Variants in GLIS3 observed in about 807,000 individuals in gnomAD.
GLIS3 encodes zinc finger protein GLIS3.
In GLIS3, 53 loss-of-function variants were observed where a neutral mutation model predicts 78.6. The observed-to-expected ratio is 0.67, with a 90% CI of 0.54 to 0.85. The LOEUF (loss-of-function observed/expected upper bound fraction) is 0.85. Ranked by LOEUF, GLIS3 falls within the 40% of genes least tolerant of loss-of-function variation. The pLI is 0.00. For missense variants in GLIS3, 1,703 were observed against 1,231.1 expected, an observed-to-expected ratio of 1.38 and a Z score of -5.74; for synonymous variants, 684 against 509.9, an observed-to-expected ratio of 1.34 and a Z score of -4.60.
intron 1 of GLIS3, among the ~76,000 whole-genome samples, chr9:4,294,470 T>C (rs1301768526): frequency 5.3e-5 from 8 of 151,980 alleles, no homozygotes. Flanking sequence ...GATCACACCA[T>C]TGCTTTCCAG....
At chr9:4,184,838 T>C (rs1280734888) in intron 2 of GLIS3, among the ~76,000 whole-genome samples, 1 of 152,144 alleles carries the variant, frequency 6.6e-6, no homozygotes, top group Non-Finnish European at 1.5e-5. Flanking sequence ...GTTGTGCATC[T>C]GTCAACATTA....
intron 2 of GLIS3, among the ~76,000 whole-genome samples, chr9:4,272,524 T>G (rs1010765750): frequency 2.6e-5 from 4 of 152,178 alleles, no homozygotes; most frequent in Non-Finnish European, 5.9e-5. Context: ...AGCCTCTCTG[T>G]TCTCTTATTT....
the GLIS3 span, among the ~76,000 whole-genome samples, chr9:4,434,977 C>T: frequency 2.9e-4 from 44 of 152,310 alleles, no homozygotes; most frequent in East Asian, 6.4e-3. Flanking sequence ...TAAAACAAAG[C>T]TGTCAGGTAC....
rs149840771 is a variant in GLIS3, at chr9:3,898,723, C to G, written c.2096G>C (p.Arg699Pro). The G allele has an allele frequency of 3.1e-6, 5 of 1,614,030 alleles. No individual in the cohort carries two copies. Among genetic ancestry groups the G allele is most frequent in the African/African-American group, 1.3e-5 (1 of 74,914 alleles). The change falls in exon 7 of 11, where the codon CGC (arginine) becomes CCC (proline). Residue 699 changes from arginine (R) to proline (P), a missense_variant. Physicochemically the swap from Arg to Pro is moderately radical, Grantham distance 103. Coordinates refer to ENST00000381971, the MANE Select transcript of GLIS3 (RefSeq NM_001042413.2). The part of the protein sequence containing the change: ...RDAAAEGTVG[R>P]SPGPGPDLYS... ...GAGGTCAGGCCCGGGTCCAGGGGAG[C>G]GTCCCACGGTCCCTTCAGCAGCAGC... is the stretch of plus-strand genomic sequence containing the variant.
chr9:4,307,881 G>A (rs575723720), intron 4 of GLIS3, among the ~76,000 whole-genome samples: 1 of 152,254 alleles, frequency 6.6e-6, no homozygotes, highest in South Asian at 2.1e-4. Flanking sequence ...TTAGACCAAG[G>A]AAACCTGTGT....
intron 4 of GLIS3, among the ~76,000 whole-genome samples, chr9:4,088,477 A>T (rs1446591258): frequency 6.6e-6 from 1 of 152,252 alleles, no homozygotes; most frequent in Non-Finnish European, 1.5e-5. Flanking sequence ...TATTTTCCTT[A>T]TCTTAAATTG....
intron 2 of GLIS3, among the ~76,000 whole-genome samples, chr9:4,256,685 G>C (rs1175198578): frequency 1.3e-5 from 2 of 152,180 alleles, no homozygotes; most frequent in African/African-American, 2.4e-5. Flanking sequence ...CTTTATTGTA[G>C]ACAAAAGTAG....
At chr9:4,012,765 C>CTTTTTTTTTTTTTTTTTT (rs71324278) in intron 4 of GLIS3, among the ~76,000 whole-genome samples, 1 of 66,474 alleles carries the variant, frequency 1.5e-5, no homozygotes. Context: ...TTTTCTTTTT[C>CTTTTTTTTTTTTTTTTTT]TTTTTTTTTT....
At position 3,898,764 on chromosome 9, in the gene GLIS3, G is replaced by A; in HGVS notation, c.2055C>T (p.Ala685=). 6.2e-7 allele frequency: 1 copy of A among 1,614,176 alleles called. No homozygotes were observed. The highest frequency in any genetic ancestry group is 1.1e-5 in the South Asian group (1 of 91,088). ...CAGCAGCAGCATCTCTAGGGGAAGT[G>A]GCCGGCTGCAGGGACTGCACGGTGA... ...DCLTVQSLQP[A]TSPRDAAAEG... Residue 685 remains alanine (A), a synonymous_variant, in exon 7 of 11, where the codon GCC becomes GCT. Transcript: ENST00000381971.
chr9:3,917,217 T>G lies in GLIS3; in HGVS notation c.1983+15143A>C, dbSNP rs148803132. Among the ~76,000 whole-genome samples, 254 of 152,348 alleles carry G rather than the reference T, an allele frequency of 1.7e-3. 3 individuals carry two copies. The highest frequency in any genetic ancestry group is 6.1e-3 in the African/African-American group (252 of 41,592). ...TTAACCATAACAATGTAAATATCAT[T>G]GCTTTGTACCCAAGTTGCTGGTGTT... On this transcript the variant is annotated intron_variant, in intron 6 of 10. Transcript: ENST00000381971.
chr9:4,208,251 A>G (rs1158892951), intron 2 of GLIS3, among the ~76,000 whole-genome samples: 1 of 152,184 alleles, frequency 6.6e-6, no homozygotes, highest in African/African-American at 2.4e-5. Context: ...CCCCAAGTTA[A>G]ATGACAAAGG....
the GLIS3 span, among the ~76,000 whole-genome samples, chr9:4,440,761 T>C: frequency 3.3e-5 from 5 of 152,206 alleles, no homozygotes; most frequent in Admixed American, 2.6e-4. Flanking sequence ...TATGGACATT[T>C]TAACTATATT....
intron 4 of GLIS3, among the ~76,000 whole-genome samples, chr9:4,052,766 C>T (rs573780795): frequency 1.6e-4 from 25 of 152,078 alleles, no homozygotes; most frequent in Non-Finnish European, 2.6e-4. Context: ...CTATTATGAG[C>T]AGTGCTACTA....
chr9:3,958,231 A>C (rs994355460), intron 4 of GLIS3, among the ~76,000 whole-genome samples: 27 of 152,292 alleles, frequency 1.8e-4, no homozygotes, highest in Middle Eastern at 3.4e-3. Context: ...TTCCTCCCAC[A>C]TGTATAATAA....
At chr9:4,342,409 T>A (rs1817847703) in intron 2 of GLIS3, among the ~76,000 whole-genome samples, 1 of 152,182 alleles carries the variant, frequency 6.6e-6, no homozygotes, top group African/African-American at 2.4e-5. Context: ...TGATTGTAGG[T>A]GTGTGGCTTT....
At chr9:3,910,578 T>C (rs1227213974) in intron 6 of GLIS3, among the ~76,000 whole-genome samples, 1 of 152,334 alleles carries the variant, frequency 6.6e-6, no homozygotes, top group Non-Finnish European at 1.5e-5. Context: ...CTCAAATTCC[T>C]GGACTCAAGC....
the GLIS3 span, among the ~76,000 whole-genome samples, chr9:4,371,606 C>G: frequency 6.6e-6 from 1 of 152,172 alleles, no homozygotes; most frequent in Non-Finnish European, 1.5e-5. Flanking sequence ...GCTGATCTCT[C>G]ACTGGGATCC....
chr9:4,284,853 G>C (rs1238433653), intron 2 of GLIS3, among the ~76,000 whole-genome samples: 2 of 152,138 alleles, frequency 1.3e-5, no homozygotes, highest in Non-Finnish European at 2.9e-5. Context: ...AGGAGGATGA[G>C]GCTGCAGTGA....
the GLIS3 span, among the ~76,000 whole-genome samples, chr9:4,482,033 G>A: frequency 5.3e-5 from 8 of 152,190 alleles, no homozygotes; most frequent in African/African-American, 1.7e-4. Context: ...TAGTGAGATT[G>A]AAGATTTTTT....
Sources: allele counts gnomAD v4.1 joint callset (sites outside exome capture counted in the v4.1 genomes callset), GRCh38; gene constraint gnomAD v4.1.1; transcripts MANE v1.5; gene names NCBI Gene and HGNC (gene_info 2026-07-23, HGNC 2026-07-21).